SLIT2: variants seen among roughly 807,000 people sequenced by gnomAD.
SLIT2 encodes the protein slit homolog 2 protein.
A neutral mutation model predicts 185.7 loss-of-function variants in SLIT2; 41 were observed. The ratio of observed to expected loss-of-function variants is 0.22; its 90% confidence interval spans 0.17 to 0.29. The LOEUF is 0.29. Among genes scored for constraint, SLIT2 ranks in the 10% least tolerant of loss-of-function variants. The pLI, the probability that SLIT2 is intolerant of heterozygous loss-of-function variation, is 1.00. For missense variants in SLIT2, 1,571 were observed against 1,909.0 expected (o/e 0.82, Z 3.30); for synonymous variants, 693 against 680.2 (o/e 1.02, Z -0.29).
At chr4:20,291,884 C>A (rs1715976714) in intron 4 of SLIT2, among the ~76,000 whole-genome samples, 1 of 148,082 alleles carries the variant, frequency 6.8e-6, no homozygotes, top group Non-Finnish European at 1.5e-5. Context: ...GTAGAAACAT[C>A]CTAGAGCTCC....
intron 4 of SLIT2, among the ~76,000 whole-genome samples, chr4:20,426,012 A>AT (rs903645825): frequency 5.3e-5 from 8 of 152,144 alleles, no homozygotes; most frequent in Admixed American, 1.3e-4. Flanking sequence ...TAAACCTGTG[A>AT]TTTTTTTCCT....
intron 34 of SLIT2, among the ~76,000 whole-genome samples, chr4:20,611,070 T>C (rs1207138225): frequency 6.6e-6 from 1 of 152,232 alleles, no homozygotes; most frequent in African/African-American, 2.4e-5. Flanking sequence ...AAGCATTGGA[T>C]TAAATTACAT....
intron 5 of SLIT2, among the ~76,000 whole-genome samples, chr4:20,479,194 TAG>T (rs1716440649): frequency 1.3e-5 from 2 of 152,192 alleles, no homozygotes; most frequent in Non-Finnish European, 2.9e-5. Flanking sequence ...TTGTGTCCCC[TAG>T]AGAACTTCTT....
chr4:20,487,158 A>G (rs938397363), intron 7 of SLIT2, among the ~76,000 whole-genome samples: 2 of 152,092 alleles, frequency 1.3e-5, no homozygotes, highest in African/African-American at 4.8e-5. Context: ...ACCAATTTTA[A>G]TGTCATTTTT....
intron 18 of SLIT2, among the ~76,000 whole-genome samples, chr4:20,537,675 C>T (rs780943722): frequency 1.5e-4 from 23 of 152,074 alleles, no homozygotes; most frequent in Non-Finnish European, 2.6e-4. Context: ...TTTCAACAAG[C>T]GTCATAGAGC....
At chr4:20,346,508 T>C (rs557758261) in intron 4 of SLIT2, among the ~76,000 whole-genome samples, 66 of 152,294 alleles carry the variant, frequency 4.3e-4, no homozygotes, top group Non-Finnish European at 7.5e-4. Flanking sequence ...GTAACAGATA[T>C]AGTGTTGGAT....
chr4:20,550,276 A>T (rs1723620278), intron 24 of SLIT2, among the ~76,000 whole-genome samples: 1 of 152,034 alleles, frequency 6.6e-6, no homozygotes, highest in Non-Finnish European at 1.5e-5. Context: ...AATGAGCTTG[A>T]TCTATCATTT....
At position 20,463,474 on chromosome 4, in the gene SLIT2, T is replaced by TAG. The variant is rs1713967881; in HGVS notation, c.396-4277_396-4276insGA. The stretch of plus-strand genomic sequence containing the variant: ...ATATATATATATATATATATATATA[T>TAG]ATATATATATATATATATGTGTGTG... On this transcript the variant is annotated intron_variant, in intron 4 of 36. Coordinates refer to ENST00000504154, the MANE Select transcript of SLIT2 (RefSeq NM_004787.4). Among the ~76,000 whole-genome samples, 4 of 117,524 alleles carry TAG rather than the reference T, an allele frequency of 3.4e-5. No homozygotes were observed. The Admixed American group carries it at 3.7e-4, about 11-fold the overall frequency. 77.1% of individuals were successfully genotyped at this position (117,524 alleles called of 152,430 possible).
At chr4:20,504,864 A>T (rs1187966890) in intron 9 of SLIT2, among the ~76,000 whole-genome samples, 1 of 152,100 alleles carries the variant, frequency 6.6e-6, no homozygotes, top group Non-Finnish European at 1.5e-5. Context: ...ACATTCACAT[A>T]ACATTTATTA....
At position 20,598,321 on chromosome 4, in the gene SLIT2, C is replaced by A; in HGVS notation, c.3618C>A (p.Ile1206=). The A allele has an allele frequency of 6.2e-7, 1 of 1,614,014 alleles. No individual in the cohort carries two copies. ...ILLYKGDKDH[I]AVELYRGRVR... is the part of the protein sequence containing the mutation. The stretch of plus-strand genomic sequence containing the variant: ...TGTATAAGGGTGACAAAGACCATAT[C>A]GCGGTAGAACTCTATCGGGGGCGTG... Residue 1206 remains isoleucine (I), a synonymous_variant, in exon 33 of 37, where the codon ATC becomes ATA. Coordinates refer to ENST00000504154, the MANE Select transcript of SLIT2 (RefSeq NM_004787.4).
intron 4 of SLIT2, among the ~76,000 whole-genome samples, chr4:20,316,325 C>T (rs1054031677): frequency 4.6e-5 from 7 of 151,806 alleles, no homozygotes; most frequent in African/African-American, 1.7e-4. Context: ...AAATCAAAAC[C>T]CCTCCATTCT....
intron 4 of SLIT2, among the ~76,000 whole-genome samples, chr4:20,429,784 A>G (rs536978610): frequency 6.6e-6 from 1 of 152,172 alleles, no homozygotes; most frequent in Non-Finnish European, 1.5e-5. Context: ...ATATTGTTGT[A>G]TCTGAGTAAC....
At chr4:20,307,160 C>CCTTCCTTTCT (rs1553876301) in intron 4 of SLIT2, among the ~76,000 whole-genome samples, 6 of 24,260 alleles carry the variant, frequency 2.5e-4, no homozygotes, top group Non-Finnish European at 4.4e-4. Flanking sequence ...CCCTCCCTCC[C>CCTTCCTTTCT]TCCTTCCTTC....
chr4:20,619,219 A>G lies in SLIT2; in HGVS notation c.*210A>G, dbSNP rs1729914672. ...AAAGCTTCCCCTATGCTGGAGAAGT[A>G]TGAAGAAAGATATACCTGGAGACAT... is the stretch of plus-strand genomic sequence containing the variant. On this transcript the variant is annotated 3_prime_UTR_variant, in exon 37 of 37. Coordinates refer to ENST00000504154, the MANE Select transcript of SLIT2 (RefSeq NM_004787.4). The G allele has an allele frequency of 6.0e-6, 3 of 499,862 alleles. No individual in the cohort carries two copies. The highest frequency in any genetic ancestry group is 1.0e-5 in the Non-Finnish European group (3 of 290,244). The allele number at this position is 499,862 out of a possible 1,614,324, so 31.0% of individuals were successfully genotyped here. A position where few individuals can be genotyped will look rare whatever the true frequency, so the allele number is the denominator to read the frequency against.
At chr4:20,588,324 ACT>A (rs1345146499) in intron 29 of SLIT2, among the ~76,000 whole-genome samples, 1 of 152,166 alleles carries the variant, frequency 6.6e-6, no homozygotes, top group Non-Finnish European at 1.5e-5. Flanking sequence ...ACGGGAAAAG[ACT>A]CTTGAAGTCT....
chr4:20,500,250 T>C lies in SLIT2; in HGVS notation c.914+8351T>C, dbSNP rs143320709. Among the ~76,000 whole-genome samples, 7 of 152,298 alleles carry C rather than the reference T, an allele frequency of 4.6e-5. No individual in the cohort carries two copies. In the East Asian group the frequency reaches 1.3e-3, roughly 29 times the overall value. On this transcript the variant is annotated intron_variant, in intron 9 of 36. Transcript: ENST00000504154. ...GAAAATATTTTAAAACATAAACATA[T>C]TCAACTTAAGGATAATAAAATGTAA... is the stretch of plus-strand genomic sequence containing the variant.
intron 34 of SLIT2, among the ~76,000 whole-genome samples, chr4:20,613,634 G>A (rs1368511202): frequency 2.6e-5 from 4 of 151,976 alleles, no homozygotes; most frequent in Admixed American, 2.0e-4. Flanking sequence ...TTTGTTATAC[G>A]GTAACACATA....
Position 20,524,208 on chromosome 4 carries a change from A to G in SLIT2, c.1438+31A>G, listed in dbSNP as rs748490371. 5 of 1,609,072 alleles carry G rather than the reference A, an allele frequency of 3.1e-6. No individual in the cohort carries two copies. In the South Asian group the frequency reaches 4.4e-5, roughly 14 times the overall value. ...TTCTTCACGTGTTATTTCCCCTGTG[A>G]CCAACAACAATGGTTACATGAGACC... On this transcript the variant is annotated intron_variant, in intron 14 of 36. Coordinates refer to ENST00000504154, the MANE Select transcript of SLIT2 (RefSeq NM_004787.4).
intron 4 of SLIT2, among the ~76,000 whole-genome samples, chr4:20,425,694 A>G (rs1396294465): frequency 1.3e-5 from 2 of 152,200 alleles, no homozygotes; most frequent in African/African-American, 4.8e-5. Context: ...CCTTTTAGTG[A>G]GTTCAACTTT....
Sources: gnomAD v4.1 joint callset for allele counts (sites outside exome capture counted in the v4.1 genomes callset) on GRCh38, gnomAD v4.1.1 for gene constraint, MANE v1.5 for transcripts, NCBI Gene and HGNC (gene_info 2026-07-23, HGNC 2026-07-21) for gene names.